Variants in CNTN4 observed in about 807,000 individuals in gnomAD.
CNTN4 encodes contactin 4.
Under a neutral mutation model 122.5 loss-of-function variants are expected in CNTN4, and 77 were observed. That is an observed-to-expected ratio of 0.63 (90% CI 0.52 to 0.76). The LOEUF (loss-of-function observed/expected upper bound fraction) is 0.76. Ranked by LOEUF, CNTN4 falls within the 30% of genes least tolerant of loss-of-function variation. CNTN4 has a pLI of 0.00. For synonymous variants in CNTN4, 512 were observed against 447.0 expected, an observed-to-expected ratio of 1.15 and a Z score of -1.83; for missense variants, 1,256 against 1,259.1, an observed-to-expected ratio of 1.00 and a Z score of 0.04.
In CNTN4 at chr3:3,054,348, C is replaced by T. The variant is rs555451796; in HGVS notation, c.2980+373C>T. Among the ~76,000 whole-genome samples the T allele has an allele frequency of 5.3e-5, 8 of 152,220 alleles. No individual in the cohort carries two copies. In the South Asian group the frequency reaches 1.0e-3, roughly 20 times the overall value. On this transcript the variant is annotated intron_variant, in intron 24 of 24. Transcript: ENST00000418658. Reference sequence around the variant, plus strand: ...CAAGGACAAGCATTGTTAAGTATGCCGTAGCAGTTTTTCTCCAGTGAAACA... The same window carrying T: ...CAAGGACAAGCATTGTTAAGTATGCTGTAGCAGTTTTTCTCCAGTGAAACA...
chr3:3,033,813 A>G (rs913135087), intron 16 of CNTN4, among the ~76,000 whole-genome samples: 1 of 151,978 alleles, frequency 6.6e-6, no homozygotes, highest in Non-Finnish European at 1.5e-5. Context: ...CCATCCCTCT[A>G]TTTCTTTATT....
Position 2,356,510 on chromosome 3 carries a change from A to G in CNTN4, c.-89+17277A>G, listed in dbSNP as rs550944741. On this transcript the variant is annotated intron_variant, in intron 3 of 24. Coordinates refer to ENST00000418658, the MANE Select transcript of CNTN4 (RefSeq NM_175607.3). ...GTTAATGGTTTATAATTAGCGTATA[A>G]TGAGCAGTGAGGACAACCAGAGGTC... Among the ~76,000 whole-genome samples, 182 of 152,294 alleles carry G rather than the reference A, an allele frequency of 1.2e-3. 1 individual carries two copies. The highest frequency in any genetic ancestry group is 4.1e-3 in the African/African-American group (172 of 41,564).
At chr3:2,394,298 C>G (rs1337289899) in intron 3 of CNTN4, among the ~76,000 whole-genome samples, 1 of 152,022 alleles carries the variant, frequency 6.6e-6, no homozygotes, top group Non-Finnish European at 1.5e-5. Flanking sequence ...ATCAGAGGGA[C>G]AGGGCTAGAC....
At chr3:2,605,082 C>T (rs1304742441) in intron 4 of CNTN4, among the ~76,000 whole-genome samples, 2 of 152,152 alleles carry the variant, frequency 1.3e-5, no homozygotes, top group South Asian at 2.1e-4. Context: ...TCATAGTTCA[C>T]GGCAGCCTCG....
rs368823309 is a variant in CNTN4, at chr3:2,484,781, G to A, written c.-88-86635G>A. On this transcript the variant is annotated intron_variant, in intron 3 of 24. Coordinates refer to ENST00000418658, the MANE Select transcript of CNTN4 (RefSeq NM_175607.3). The stretch of plus-strand genomic sequence containing the variant: ...CCCTCACAGCCCTTGCTCGCTCTCC[G>A]CACCTCCTCAGCCTCTGCGCCCACT... Among the ~76,000 whole-genome samples the A allele has an allele frequency of 1.8e-4, 28 of 152,286 alleles. No homozygotes were observed. In the South Asian group the frequency reaches 3.1e-3, roughly 17 times the overall value.
intron 2 of CNTN4, among the ~76,000 whole-genome samples, chr3:2,164,761 A>C (rs1255989511): frequency 6.6e-6 from 1 of 152,142 alleles, no homozygotes; most frequent in Non-Finnish European, 1.5e-5. Flanking sequence ...CAATCATAGT[A>C]TTCTCTCACC....
chr3:2,581,881 A>G (rs1390689189), intron 4 of CNTN4, among the ~76,000 whole-genome samples: 1 of 152,222 alleles, frequency 6.6e-6, no homozygotes, highest in Non-Finnish European at 1.5e-5. Flanking sequence ...TGCTAAGTGA[A>G]TGAAGCCAGA....
At chr3:2,442,825 A>G (rs1398935028) in intron 3 of CNTN4, among the ~76,000 whole-genome samples, 2 of 152,210 alleles carry the variant, frequency 1.3e-5, no homozygotes, top group Non-Finnish European at 2.9e-5. Flanking sequence ...TGAAATGGTT[A>G]ATGAGAGTGC....
At chr3:2,824,153 G>C (rs1473428190) in intron 7 of CNTN4, among the ~76,000 whole-genome samples, 1 of 105,862 alleles carries the variant, frequency 9.4e-6, no homozygotes, top group Non-Finnish European at 1.8e-5. Context: ...GGTCCCCAAG[G>C]CTGTTAAAAA....
intron 4 of CNTN4, among the ~76,000 whole-genome samples, chr3:2,715,908 A>G (rs568936873): frequency 6.6e-6 from 1 of 152,286 alleles, no homozygotes; most frequent in South Asian, 2.1e-4. Flanking sequence ...ATTTTAGGTG[A>G]ACACAGTTAA....
At chr3:3,019,805 C>G (rs1416496310) in intron 14 of CNTN4, among the ~76,000 whole-genome samples, 1 of 135,946 alleles carries the variant, frequency 7.4e-6, no homozygotes, top group Non-Finnish European at 1.6e-5. Flanking sequence ...TATACACATG[C>G]ATATATATAT....
chr3:2,269,546 A>G lies in CNTN4; in HGVS notation c.-144-69632A>G, dbSNP rs1458331346. Among the ~76,000 whole-genome samples the G allele has an allele frequency of 3.3e-5, 5 of 152,226 alleles. No homozygotes were observed. In the South Asian group the frequency reaches 1.0e-3, roughly 32 times the overall value. Reference sequence around the variant, plus strand: ...AGAGGAATCATTTCGGTGGCTGTAAATACTTCAGGATTTTGATGTCACCTT... The same window carrying G: ...AGAGGAATCATTTCGGTGGCTGTAAGTACTTCAGGATTTTGATGTCACCTT... On this transcript the variant is annotated intron_variant, in intron 2 of 24. Transcript: ENST00000418658.
chr3:2,713,310 T>A (rs1177376812), intron 4 of CNTN4, among the ~76,000 whole-genome samples: 1 of 152,190 alleles, frequency 6.6e-6, no homozygotes, highest in African/African-American at 2.4e-5. Context: ...AGAAGTCTTC[T>A]GTGTTGATGA....
chr3:2,102,187 G>T (rs1048773335), intron 2 of CNTN4, among the ~76,000 whole-genome samples: 1 of 152,194 alleles, frequency 6.6e-6, no homozygotes, highest in African/African-American at 2.4e-5. Context: ...AGGAGTAAAT[G>T]AGGGAGGATT....
chr3:2,480,267 A>G (rs1304342414), intron 3 of CNTN4, among the ~76,000 whole-genome samples: 1 of 151,826 alleles, frequency 6.6e-6, no homozygotes, highest in Admixed American at 6.6e-5. Flanking sequence ...TTTTTAGCTA[A>G]TGCAACAAGA....
intron 2 of CNTN4, among the ~76,000 whole-genome samples, chr3:2,314,930 A>C (rs1006432387): frequency 3.3e-5 from 5 of 152,066 alleles, no homozygotes; most frequent in African/African-American, 1.2e-4. Flanking sequence ...TTATTATATC[A>C]TGTTTCAGGT....
chr3:2,791,401 C>T (rs914789343), intron 6 of CNTN4, among the ~76,000 whole-genome samples: 2 of 151,782 alleles, frequency 1.3e-5, no homozygotes, highest in East Asian at 1.9e-4. Flanking sequence ...AGCATGGTGG[C>T]GTGTACCTCT....
intron 3 of CNTN4, among the ~76,000 whole-genome samples, chr3:2,534,035 T>C (rs534455115): frequency 2.6e-5 from 4 of 152,174 alleles, no homozygotes; most frequent in African/African-American, 9.6e-5. Flanking sequence ...ATTGCAAAAA[T>C]TTTCTCCCAT....
chr3:2,311,263 A>C lies in CNTN4; in HGVS notation c.-144-27915A>C, dbSNP rs575713086. Among the ~76,000 whole-genome samples the C allele has an allele frequency of 7.6e-4, 116 of 152,234 alleles. 1 individual carries two copies. The highest frequency in any genetic ancestry group is 1.5e-3 in the Non-Finnish European group (100 of 67,978). ...AAGTAAAGCATTGCAGATTGAGTTA[A>C]TGATGAATTTTTCCCCCTTGATTTG... On this transcript the variant is annotated intron_variant, in intron 2 of 24. Coordinates refer to ENST00000418658, the MANE Select transcript of CNTN4 (RefSeq NM_175607.3).
Sources: gnomAD v4.1 joint callset for allele counts (sites outside exome capture counted in the v4.1 genomes callset) on GRCh38, gnomAD v4.1.1 for gene constraint, MANE v1.5 for transcripts, NCBI Gene and HGNC (gene_info 2026-07-23, HGNC 2026-07-21) for gene names.